Variants in CBX3 observed in about 807,000 individuals in gnomAD.
CBX3 encodes chromobox 3.
A neutral mutation model predicts 22.6 loss-of-function variants in CBX3; 5 were observed. The ratio of observed to expected loss-of-function variants is 0.22; its 90% CI spans 0.12 to 0.47. The LOEUF (loss-of-function observed/expected upper bound fraction) is 0.47. Ranked by LOEUF, CBX3 falls within the 20% of genes least tolerant of loss-of-function variation. The probability of loss-of-function intolerance (pLI) is 0.99; values close to 1 mark genes in which losing one functional copy is unlikely to be tolerated. For synonymous variants in CBX3, 50 were observed against 66.6 expected, an observed-to-expected ratio of 0.75 and a Z score of 1.21; for missense variants, 83 against 208.1, an observed-to-expected ratio of 0.40 and a Z score of 3.70.
intron 1 of CBX3, chr7:26,202,217 T>C (rs1464299932): frequency 6.6e-6 from 1 of 151,692 alleles, no homozygotes; most frequent in African/African-American, 2.4e-5. Context: ...CCGCGAGGCC[T>C]GGCGGCGCGC....
intron 2 of CBX3, among the ~76,000 whole-genome samples, chr7:26,203,607 A>T (rs1156741692): frequency 6.6e-6 from 1 of 150,514 alleles, no homozygotes; most frequent in Non-Finnish European, 1.5e-5. Context: ...AAAAGGCTAG[A>T]TTTTTTTTTT....
intron 5 of CBX3, among the ~76,000 whole-genome samples, 156 bp from the exon 6 acceptor site, chr7:26,211,926 T>C (rs1189433923): frequency 1.3e-5 from 2 of 152,154 alleles, no homozygotes; most frequent in Non-Finnish European, 2.9e-5. Context: ...TGGCCTGTTT[T>C]GAAAATGAAG....
At chr7:26,202,891 T>C in intron 1 of CBX3, 80 bp from the exon 2 acceptor site, 1 of 892,880 alleles carries the variant, frequency 1.1e-6, no homozygotes, top group Non-Finnish European at 1.9e-6. Context: ...TACTTGGGGG[T>C]TGGAATCCAA....
intron 5 of CBX3, 120 bp downstream of exon 5, chr7:26,211,876 C>T (rs1175373982): frequency 5.8e-6 from 5 of 869,160 alleles, no homozygotes; most frequent in Admixed American, 6.4e-5. Context: ...ATTCTGGTTA[C>T]TTTTACTAGT....
chr7:26,208,917 CTTTTTTTTTTTTTTTTTTTTT>C lies in CBX3; in HGVS notation c.330+376_330+396del, dbSNP rs59657982. 1.4e-4 allele frequency among the ~76,000 whole-genome samples: 4 copies of C among 27,942 alleles called. 1 individual carries two copies. Among genetic ancestry groups the C allele is most frequent in the East Asian group, 4.4e-3 (2 of 456 alleles). The allele number at this position is 27,942 out of a possible 152,430, so 18.3% of individuals were successfully genotyped here. ...GTAGGCATGAGCCACCACGCCTGGC[CTTTTTTTTTTTTTTTTTTTTT>C]TTTTTTTTTTTTTCCTGGGAGACAG... is the stretch of plus-strand genomic sequence containing the variant. On this transcript the variant is annotated intron_variant, in intron 4 of 5. Transcript: ENST00000396386.
rs1784860734 is a variant in CBX3, at chr7:26,213,454, G to A, written c.*1246G>A. On this transcript the variant is annotated 3_prime_UTR_variant, in exon 6 of 6. Transcript: ENST00000396386. ...TTTGTTTATAAGTTAGATGATACCA[G>A]TAAGGCATTACAGTACATATCCTAG... 3 of 152,200 alleles carry A rather than the reference G, an allele frequency of 2.0e-5. No individual in the cohort carries two copies. In the South Asian group the frequency reaches 6.2e-4, roughly 32 times the overall value. 9.4% of individuals were successfully genotyped at this position (152,200 alleles called of 1,614,324 possible).
At chr7:26,202,080 C>G (rs1205193558) in intron 1 of CBX3, 2 of 151,594 alleles carry the variant, frequency 1.3e-5, no homozygotes, top group Non-Finnish European at 2.9e-5. Context: ...TGCCCCATTT[C>G]GAGACAAAGC....
chr7:26,207,037 T>C (rs1375760737), intron 3 of CBX3, among the ~76,000 whole-genome samples: 2 of 152,234 alleles, frequency 1.3e-5, no homozygotes, highest in African/African-American at 4.8e-5. Context: ...TCACAAAATG[T>C]GAATAACTTG....
chr7:26,202,721 C>G, intron 1 of CBX3: 1 of 455,620 alleles, frequency 2.2e-6, no homozygotes, highest in Non-Finnish European at 3.9e-6. Flanking sequence ...CATTGGTCCC[C>G]TATTTTAAGC....
At chr7:26,203,512 A>G (rs999233030) in intron 2 of CBX3, among the ~76,000 whole-genome samples, 1 of 152,246 alleles carries the variant, frequency 6.6e-6, no homozygotes, top group Admixed American at 6.5e-5. Flanking sequence ...ACTCTAAAAC[A>G]TAGAAGAATA....
chr7:26,211,977 G>A (rs1405475103), intron 5 of CBX3, 105 bp from the exon 6 acceptor site: 7 of 1,037,016 alleles, frequency 6.8e-6, no homozygotes, highest in African/African-American at 1.6e-5. Flanking sequence ...CTCTCCTGGA[G>A]CACTTCAATA....
At chr7:26,211,259 C>A (rs967073631) in intron 4 of CBX3, among the ~76,000 whole-genome samples, 1 of 152,014 alleles carries the variant, frequency 6.6e-6, no homozygotes, top group Non-Finnish European at 1.5e-5. Flanking sequence ...ATATTTCTTA[C>A]CGTTTGTGTT....
At chr7:26,210,568 G>A (rs1784780593) in intron 4 of CBX3, 1 of 152,052 alleles carries the variant, frequency 6.6e-6, no homozygotes, top group Non-Finnish European at 1.5e-5. Context: ...CAGGAATAAA[G>A]GATTTATTGA....
chr7:26,206,164 T>C (rs3757667), intron 2 of CBX3: 87,331 of 483,178 alleles, frequency 0.18, 13,590 homozygotes, highest in East Asian at 0.51. Flanking sequence ...GGTGGTGGGT[T>C]GTAAGTTTGA....
At chr7:26,205,811 C>A (rs912679485) in intron 2 of CBX3, among the ~76,000 whole-genome samples, 3 of 152,132 alleles carry the variant, frequency 2.0e-5, no homozygotes, top group Non-Finnish European at 4.4e-5. Flanking sequence ...CAGGGCCGGG[C>A]GCAGTGGCTC....
chr7:26,211,469 T>A (rs139661119), intron 4 of CBX3, among the ~76,000 whole-genome samples, 193 bp from the exon 5 acceptor site: 100 of 152,318 alleles, frequency 6.6e-4, no homozygotes, highest in African/African-American at 2.2e-3. Flanking sequence ...AAATTTTAAG[T>A]ATTCTACGTT....
In CBX3 at chr7:26,213,360, T is replaced by A. The variant is rs1371951062; in HGVS notation, c.*1152T>A. ...AGTTTTATATTCCTTTATGCAATTA[T>A]TAGACTTTTTTCTTTATTTGATATG... On this transcript the variant is annotated 3_prime_UTR_variant, in exon 6 of 6. Transcript: ENST00000396386. 1.3e-5 allele frequency: 1 copy of A among 78,434 alleles called. No homozygotes were observed. Among genetic ancestry groups the A allele is most frequent in the African/African-American group, 4.2e-5 (1 of 23,614 alleles). The allele number at this position is 78,434 out of a possible 1,614,324, so 4.9% of individuals were successfully genotyped here.
intron 1 of CBX3, 97 bp from the exon 2 acceptor site, chr7:26,202,874 C>T (rs1784581528): frequency 2.7e-6 from 2 of 734,822 alleles, no homozygotes; most frequent in African/African-American, 1.8e-5. Flanking sequence ...TTGAAATGTG[C>T]GCTCTCTACT....
intron 4 of CBX3, among the ~76,000 whole-genome samples, 181 bp downstream of exon 4, chr7:26,208,736 GAGC>G (rs1331595187): frequency 1.3e-5 from 2 of 151,560 alleles, no homozygotes; most frequent in Admixed American, 1.3e-4. Context: ...TCTCCTGCCT[GAGC>G]CTCCCAAGTA....
Sources: allele counts gnomAD v4.1 joint callset (sites outside exome capture counted in the v4.1 genomes callset), GRCh38; gene constraint gnomAD v4.1.1; transcripts MANE v1.5; gene names NCBI Gene and HGNC (gene_info 2026-07-23, HGNC 2026-07-21).